Variants in APBB2 observed in about 807,000 individuals in gnomAD.
APBB2 encodes the protein Fe65-like 1.
APBB2 carries 38 observed loss-of-function variants against 82.5 expected under a neutral mutation model. That is an observed-to-expected ratio of 0.46 (90% confidence interval 0.36 to 0.60). The LOEUF is 0.60. Among genes scored for constraint, APBB2 ranks in the 20% least tolerant of loss-of-function variants. The pLI is 0.00. For synonymous variants in APBB2, 341 were observed against 368.2 expected, an observed-to-expected ratio of 0.93 and a Z score of 0.85; for missense variants, 772 against 972.3, an observed-to-expected ratio of 0.79 and a Z score of 2.74.
intron 4 of APBB2, among the ~76,000 whole-genome samples, chr4:41,034,481 C>G (rs143934369): frequency 6.6e-6 from 1 of 152,134 alleles, no homozygotes; most frequent in Non-Finnish European, 1.5e-5. Context: ...CGCATCACCA[C>G]GCCCAACTAA....
At chr4:40,925,860 TA>T (rs1782488910) in intron 10 of APBB2, among the ~76,000 whole-genome samples, 1 of 152,174 alleles carries the variant, frequency 6.6e-6, no homozygotes, top group Non-Finnish European at 1.5e-5. Flanking sequence ...AGGGCACAGA[TA>T]AATAAAGCTC....
At position 40,850,403 on chromosome 4, in the gene APBB2, C is replaced by T. The variant is rs28575628; in HGVS notation, c.1530-19826G>A. Among the ~76,000 whole-genome samples the T allele has an allele frequency of 7.4e-3, 1,129 of 152,302 alleles. 15 individuals are homozygous for T. The highest frequency in any genetic ancestry group is 0.025 in the African/African-American group (1,042 of 41,548). On this transcript the variant is annotated intron_variant, in intron 12 of 17. Transcript: ENST00000508593. ...GTAGAAATACCCCAAAGACCCTGAC[C>T]TTCTGCAGGAATTCTCTTTGGGGGC...
intron 1 of APBB2, among the ~76,000 whole-genome samples, chr4:41,144,574 C>T (rs367838762): frequency 2.6e-5 from 4 of 152,324 alleles, no homozygotes; most frequent in South Asian, 2.1e-4. Flanking sequence ...GCCTGATCTT[C>T]GGTCTGCCTC....
At chr4:41,067,760 A>G (rs1287166201) in intron 3 of APBB2, among the ~76,000 whole-genome samples, 4 of 152,220 alleles carry the variant, frequency 2.6e-5, no homozygotes, top group African/African-American at 7.2e-5. Flanking sequence ...TTTGGATTTG[A>G]CATTTAAGAA....
chr4:40,930,442 TGTGTGTGCGCGC>T (rs139650498), intron 10 of APBB2, among the ~76,000 whole-genome samples: 22,799 of 73,450 alleles, frequency 0.31, 1,913 homozygotes, highest in Middle Eastern at 0.38. Context: ...TGTGTGTGTG[TGTGTGTGCGCGC>T]GCGCGCGCGC....
chr4:40,945,063 C>T lies in APBB2; in HGVS notation c.846G>A (p.Trp282Ter). The T allele has an allele frequency of 6.3e-7, 1 of 1,596,446 alleles. No homozygotes were observed. The part of the protein sequence containing the change: ...PSSPDETADI[W>*]SDHSFQTDPD... ...GATCAGTCTGAAATGAGTGATCACTCCATATATCTGCTGAAAAATTGGGGG... is the reference window on the plus strand; with the variant it reads ...GATCAGTCTGAAATGAGTGATCACTTCATATATCTGCTGAAAAATTGGGGG... Residue 282 changes from tryptophan to a stop codon, truncating the protein, a stop_gained, in exon 7 of 18, where the codon TGG becomes TGA. Transcript: ENST00000508593. LOFTEE classifies it high-confidence loss of function.
At chr4:41,039,960 T>C (rs1173653228) in intron 4 of APBB2, among the ~76,000 whole-genome samples, 2 of 152,118 alleles carry the variant, frequency 1.3e-5, no homozygotes, top group Non-Finnish European at 2.9e-5. Flanking sequence ...GATCTTTGTA[T>C]ACCTGGCATA....
chr4:40,936,432 T>G (rs1785382285), intron 7 of APBB2, among the ~76,000 whole-genome samples: 2 of 152,120 alleles, frequency 1.3e-5, no homozygotes, highest in Admixed American at 6.5e-5. Context: ...TTTTAAAACT[T>G]TTTTGTTGAG....
intron 6 of APBB2, among the ~76,000 whole-genome samples, chr4:40,995,444 T>C (rs1224121667): frequency 6.6e-6 from 1 of 151,972 alleles, no homozygotes; most frequent in Admixed American, 6.6e-5. Context: ...GGCACCATCA[T>C]AGTTTCAAAT....
At chr4:41,190,168 G>A (rs990441805) in intron 1 of APBB2, among the ~76,000 whole-genome samples, 1 of 147,150 alleles carries the variant, frequency 6.8e-6, no homozygotes, top group African/African-American at 2.5e-5. Context: ...TTAACATACT[G>A]CTTAGTATTA....
chr4:41,142,139 C>T (rs2154021149), intron 2 of APBB2, among the ~76,000 whole-genome samples: 1 of 151,406 alleles, frequency 6.6e-6, no homozygotes, highest in South Asian at 2.1e-4. Context: ...CACTACTTCA[C>T]AGATTCTGAA....
chr4:40,876,820 G>A (rs1024645690), intron 12 of APBB2, among the ~76,000 whole-genome samples: 1 of 152,208 alleles, frequency 6.6e-6, no homozygotes, highest in Non-Finnish European at 1.5e-5. Flanking sequence ...AGGGCCGACT[G>A]TATCAACAGC....
intron 1 of APBB2, among the ~76,000 whole-genome samples, chr4:41,187,125 G>A (rs79879890): frequency 0.042 from 6,380 of 152,216 alleles, 150 homozygotes; most frequent in Middle Eastern, 0.058. Flanking sequence ...ATGAGCTTCT[G>A]TAAGAACTGT....
At chr4:41,132,551 A>G (rs1756358443) in intron 2 of APBB2, among the ~76,000 whole-genome samples, 1 of 152,246 alleles carries the variant, frequency 6.6e-6, no homozygotes, top group South Asian at 2.1e-4. Context: ...TCTGAAAAGC[A>G]AATACAATTC....
At chr4:40,857,238 G>A in intron 12 of APBB2, 2 of 941,138 alleles carry the variant, frequency 2.1e-6, no homozygotes, top group Non-Finnish European at 2.5e-6. Flanking sequence ...GAGGCGCGTG[G>A]CCCCGCCCCA....
intron 10 of APBB2, 70 bp from the exon 11 acceptor site, chr4:40,893,481 C>A (rs1174994853): frequency 4.2e-6 from 6 of 1,426,202 alleles, no homozygotes; most frequent in Non-Finnish European, 4.7e-6. Flanking sequence ...TACACTACTC[C>A]CCTCCCGCAA....
intron 1 of APBB2, among the ~76,000 whole-genome samples, chr4:41,161,532 G>A (rs1765168116): frequency 6.6e-6 from 1 of 152,200 alleles, no homozygotes; most frequent in Non-Finnish European, 1.5e-5. Context: ...TTTGAGCTCA[G>A]GAATTGGAGG....
At chr4:40,846,591 G>A (rs992960553) in intron 12 of APBB2, among the ~76,000 whole-genome samples, 1 of 152,104 alleles carries the variant, frequency 6.6e-6, no homozygotes, top group East Asian at 1.9e-4. Context: ...ATGAACAACC[G>A]TCTCTGACCA....
At position 41,189,002 on chromosome 4, in the gene APBB2, A is replaced by G. The variant is rs548476065; in HGVS notation, c.-417+25403T>C. The stretch of plus-strand genomic sequence containing the variant: ...TTTGGAAGACTTTATTAAACAACCT[A>G]CACACCCCTTACAATTCAGCAATCC... On this transcript the variant is annotated intron_variant, in intron 1 of 17. Transcript: ENST00000508593. 2.0e-5 allele frequency among the ~76,000 whole-genome samples: 3 copies of G among 152,270 alleles called. No homozygotes were observed. In the East Asian group the frequency reaches 5.8e-4, roughly 29 times the overall value.
Sources: allele counts gnomAD v4.1 joint callset (sites outside exome capture counted in the v4.1 genomes callset), GRCh38; gene constraint gnomAD v4.1.1; transcripts MANE v1.5; gene names NCBI Gene and HGNC (gene_info 2026-07-23, HGNC 2026-07-21).